Variants in SPATA13 observed in about 807,000 individuals in gnomAD.
SPATA13 encodes spermatogenesis-associated protein 13.
In SPATA13, 50 loss-of-function variants were observed where a neutral mutation model predicts 104.0. The ratio of observed to expected loss-of-function variants is 0.48; its 90% CI spans 0.38 to 0.61. The LOEUF is 0.61. Ranked by LOEUF, SPATA13 falls within the 20% of genes least tolerant of loss-of-function variation. SPATA13 has a pLI of 0.00. For missense variants in SPATA13, 1,524 were observed against 1,690.6 expected, an observed-to-expected ratio of 0.90 and a Z score of 1.73; for synonymous variants, 606 against 667.5, an observed-to-expected ratio of 0.91 and a Z score of 1.42.
In SPATA13 at chr13:24,122,866, G is replaced by A. The variant is rs1162431442; in HGVS notation, c.-111-99953G>A. 3 of 773,440 alleles carry A rather than the reference G, an allele frequency of 3.9e-6. No homozygotes were observed. In the African/African-American group the frequency reaches 5.1e-5, roughly 13 times the overall value. The allele number at this position is 773,440 out of a possible 1,614,324, so 47.9% of individuals were successfully genotyped here. A position where few individuals can be genotyped will look rare whatever the true frequency, so the allele number is the denominator to read the frequency against. Reference sequence around the variant, plus strand: ...TCATAGAATTCTAAGACATGCTGTTGTAAAACAGTAGGAACGACCTGTAAG... The same window carrying A: ...TCATAGAATTCTAAGACATGCTGTTATAAAACAGTAGGAACGACCTGTAAG... On this transcript the variant is annotated intron_variant, in intron 3 of 14. Coordinates refer to the SPATA13 transcript ENST00000424834.
chr13:24,123,609 A>C, intron 3 of SPATA13: 1 of 1,607,172 alleles, frequency 6.2e-7, no homozygotes, highest in Non-Finnish European at 8.5e-7. Context: ...GGCTGTAAAC[A>C]AAAGTGTCTG....
chr13:24,162,542 C>T (rs1405993181), intron 1 of SPATA13: 1 of 155,750 alleles, frequency 6.4e-6, no homozygotes, highest in East Asian at 1.9e-4. Flanking sequence ...ACCCTCCCTT[C>T]TGCCACTGCT....
Position 24,303,887 on chromosome 13 carries a change from T to TA in SPATA13, c.*1115dup, listed in dbSNP as rs1428589403. ...CACCACTGCACTCCAGCCTGGGAGA[T>TA]ACAGCGAGACTGTCTCCAAAAACAA... is the stretch of plus-strand genomic sequence containing the variant. On this transcript the variant is annotated 3_prime_UTR_variant, in exon 13 of 13. Transcript: ENST00000382108. 4.6e-5 allele frequency: 7 copies of TA among 152,212 alleles called. No individual in the cohort carries two copies. Among genetic ancestry groups the TA allele is most frequent in the Non-Finnish European group, 1.5e-5 (1 of 68,046 alleles). 9.4% of individuals were successfully genotyped at this position (152,212 alleles called of 1,614,324 possible). A position where few individuals can be genotyped will look rare whatever the true frequency, so the allele number is the denominator to read the frequency against.
intron 3 of SPATA13, among the ~76,000 whole-genome samples, chr13:24,024,356 C>CGGATGGAT (rs71070644): frequency 6.6e-6 from 1 of 150,878 alleles, no homozygotes; most frequent in Non-Finnish European, 1.5e-5. Flanking sequence ...AATGGATGGA[C>CGGATGGAT]GGATGGATGG....
chr13:24,142,418 C>T (rs2138459426), intron 3 of SPATA13, among the ~76,000 whole-genome samples: 1 of 152,250 alleles, frequency 6.6e-6, no homozygotes, highest in East Asian at 1.9e-4. Flanking sequence ...CTTTGTCTTT[C>T]ATGACCTTGA....
At chr13:24,172,954 A>G (rs1883040390) in intron 1 of SPATA13, among the ~76,000 whole-genome samples, 1 of 152,058 alleles carries the variant, frequency 6.6e-6, no homozygotes, top group Non-Finnish European at 1.5e-5. Context: ...CTCTTCATTT[A>G]TTTTATCTTT....
At chr13:24,302,470 A>G in intron 12 of SPATA13, 128 bp from the exon 13 acceptor site, 6 of 190,684 alleles carry the variant, frequency 3.1e-5, no homozygotes, top group South Asian at 3.0e-4. Flanking sequence ...AAAAAAAAAA[A>G]AAAAAAAAAA....
intron 2 of SPATA13, among the ~76,000 whole-genome samples, chr13:23,991,834 G>A (rs1875430357): frequency 6.6e-6 from 1 of 152,102 alleles, no homozygotes; most frequent in Non-Finnish European, 1.5e-5. Flanking sequence ...GTTGCTTTCT[G>A]TATTGTTTCT....
intron 12 of SPATA13, 145 bp downstream of exon 12, chr13:24,300,620 G>C: frequency 1.4e-6 from 1 of 714,966 alleles, no homozygotes; most frequent in Non-Finnish European, 2.5e-6. Context: ...CCAGAACAGG[G>C]GCCAGGTGAA....
intron 3 of SPATA13, among the ~76,000 whole-genome samples, chr13:24,061,061 A>G (rs1878755714): frequency 6.6e-6 from 1 of 152,210 alleles, no homozygotes; most frequent in African/African-American, 2.4e-5. Flanking sequence ...AAGTGGGCAA[A>G]TGACATGAAC....
At position 24,300,484 on chromosome 13, in the gene SPATA13, T is replaced by C; in HGVS notation, c.3658+9T>C. 6.2e-7 allele frequency: 1 copy of C among 1,613,360 alleles called. No homozygotes were observed. Among genetic ancestry groups the C allele is most frequent in the Non-Finnish European group, 8.5e-7 (1 of 1,179,310 alleles). ...ACATGGAAAGTCAAAAGGTAAGTTATGGAGAAGGCTTTGTCCCCTTAATGC... is the reference window on the plus strand; with the variant it reads ...ACATGGAAAGTCAAAAGGTAAGTTACGGAGAAGGCTTTGTCCCCTTAATGC... On this transcript the variant is annotated intron_variant, in intron 12 of 12. Coordinates refer to ENST00000382108, the MANE Select transcript of SPATA13 (RefSeq NM_001166271.3).
Position 24,224,112 on chromosome 13 carries a change from T to C in SPATA13, c.1183T>C (p.Ser395Pro). Residue 395 changes from serine to proline, a missense_variant, in exon 2 of 13, where the codon TCA (serine) becomes CCA (proline). Around this residue, in one of 2 missense-constraint regions of SPATA13, gnomAD observed 1,089 missense variants for 1,135.9 expected, o/e 0.96. Coordinates refer to ENST00000382108, the MANE Select transcript of SPATA13 (RefSeq NM_001166271.3). The stretch of plus-strand genomic sequence containing the variant: ...CTGCACCGTGGCCCCCGGTTTCGGC[T>C]CAGCCACCTCTAAGGGGCCCCACCT... The part of the protein sequence containing the change: ...ATCTVAPGFG[S>P]ATSKGPHLDA... 6.4e-7 allele frequency: 1 copy of C among 1,551,514 alleles called. No individual in the cohort carries two copies. The highest frequency in any genetic ancestry group is 1.7e-4 in the Middle Eastern group (1 of 5,992).
At chr13:24,149,877 G>A (rs971820285) in intron 3 of SPATA13, among the ~76,000 whole-genome samples, 1 of 152,216 alleles carries the variant, frequency 6.6e-6, no homozygotes, top group Non-Finnish European at 1.5e-5. Flanking sequence ...TTCAGAAAGA[G>A]CTCTTGGGCA....
At chr13:24,166,630 C>T (rs893353840) in intron 1 of SPATA13, among the ~76,000 whole-genome samples, 1 of 152,260 alleles carries the variant, frequency 6.6e-6, no homozygotes, top group East Asian at 1.9e-4. Context: ...AATTCTAGGG[C>T]TCCCACCAGA....
chr13:24,270,912 G>C, intron 4 of SPATA13: 1 of 1,604,982 alleles, frequency 6.2e-7, no homozygotes, highest in Non-Finnish European at 8.5e-7. Context: ...CCTTCACTTG[G>C]GTATGTGTGC....
intron 3 of SPATA13, among the ~76,000 whole-genome samples, chr13:24,038,570 G>C (rs957652050): frequency 6.6e-6 from 1 of 152,048 alleles, no homozygotes; most frequent in Admixed American, 6.6e-5. Flanking sequence ...AGACGTCTTC[G>C]GTAAAGTGCC....
intron 5 of SPATA13, among the ~76,000 whole-genome samples, chr13:24,284,533 C>T (rs545045557): frequency 6.6e-6 from 1 of 152,214 alleles, no homozygotes; most frequent in African/African-American, 2.4e-5. Flanking sequence ...CATGATGGTG[C>T]GCACCTGTAA....
chr13:24,190,575 G>C (rs1473887627), intron 1 of SPATA13, among the ~76,000 whole-genome samples: 1 of 151,304 alleles, frequency 6.6e-6, no homozygotes, highest in Non-Finnish European at 1.5e-5. Context: ...TGAGGGGTTC[G>C]AGACTTCAGT....
At chr13:24,134,499 T>C (rs1321392137) in intron 3 of SPATA13, among the ~76,000 whole-genome samples, 2 of 152,178 alleles carry the variant, frequency 1.3e-5, no homozygotes, top group East Asian at 3.9e-4. Flanking sequence ...TTTTGGCAGC[T>C]TAAGCCAGGC....
Sources: allele counts gnomAD v4.1 joint callset (sites outside exome capture counted in the v4.1 genomes callset), GRCh38; gene constraint gnomAD v4.1.1; regional missense constraint gnomAD v4.1.1; transcripts MANE v1.5; gene names NCBI Gene and HGNC (gene_info 2026-07-23, HGNC 2026-07-21).